LOXL2: variants seen among roughly 807,000 people sequenced by gnomAD.
The protein encoded by LOXL2 is lysyl oxidase like 2.
LOXL2 carries 70 observed loss-of-function variants against 93.0 expected under a neutral mutation model. That is an observed-to-expected ratio of 0.75 (90% CI 0.62 to 0.92). LOXL2 has a LOEUF of 0.92. Ranked by LOEUF, LOXL2 falls within the 40% of genes least tolerant of loss-of-function variation. The pLI is 0.00. For synonymous variants in LOXL2, 438 were observed against 413.2 expected (o/e 1.06, Z -0.73); for missense variants, 973 against 1,054.9 (o/e 0.92, Z 1.08).
intron 1 of LOXL2, among the ~76,000 whole-genome samples, chr8:23,374,204 G>C (rs921115321): frequency 1.7e-4 from 25 of 150,144 alleles, no homozygotes; most frequent in Non-Finnish European, 2.8e-4. Flanking sequence ...GTGGTGTTTG[G>C]TTTTTTGTTC....
intron 4 of LOXL2, among the ~76,000 whole-genome samples, chr8:23,335,597 G>A (rs1402964237): frequency 6.6e-6 from 1 of 152,144 alleles, no homozygotes; most frequent in African/African-American, 2.4e-5. Context: ...AACAAAGGAG[G>A]TCCAGGAAGG....
chr8:23,322,854 G>A (rs1343958172), intron 6 of LOXL2, among the ~76,000 whole-genome samples: 2 of 152,224 alleles, frequency 1.3e-5, no homozygotes, highest in Non-Finnish European at 2.9e-5. Flanking sequence ...TAGGGGCTGA[G>A]GATTCAAAGA....
intron 1 of LOXL2, among the ~76,000 whole-genome samples, chr8:23,395,037 C>T (rs190171957): frequency 3.0e-4 from 45 of 152,192 alleles, no homozygotes; most frequent in African/African-American, 4.8e-4. Context: ...GGGCGGATCA[C>T]GAGGTCAAGA....
chr8:23,390,815 T>G (rs1804833015), intron 1 of LOXL2, among the ~76,000 whole-genome samples: 1 of 152,170 alleles, frequency 6.6e-6, no homozygotes, highest in African/African-American at 2.4e-5. Context: ...CAAGGATGCC[T>G]TATTAGTCTG....
intron 1 of LOXL2, among the ~76,000 whole-genome samples, chr8:23,371,865 A>G (rs1804502069): frequency 6.6e-6 from 1 of 151,272 alleles, no homozygotes; most frequent in Non-Finnish European, 1.5e-5. Flanking sequence ...TTGTCTGGGA[A>G]GTGGTAAAAG....
At chr8:23,398,612 T>G (rs1800123030) in intron 1 of LOXL2, among the ~76,000 whole-genome samples, 1 of 152,154 alleles carries the variant, frequency 6.6e-6, no homozygotes. Context: ...AAAGATTTGT[T>G]AAAACTCTGG....
chr8:23,359,144 G>A (rs1351498975), intron 3 of LOXL2, among the ~76,000 whole-genome samples: 2 of 151,926 alleles, frequency 1.3e-5, no homozygotes, highest in East Asian at 1.9e-4. Flanking sequence ...AAGCCCCCGC[G>A]CCCGACCCAG....
Position 23,317,028 on chromosome 8 carries a change from C to A in LOXL2, c.1557G>T (p.Ala519=). 1 of 1,614,154 alleles carries A rather than the reference C, an allele frequency of 6.2e-7. No individual in the cohort carries two copies. The highest frequency in any genetic ancestry group is 8.5e-7 in the Non-Finnish European group (1 of 1,180,012). Residue 519 remains alanine (A), a synonymous_variant, in exon 9 of 14, where the codon GCG becomes GCT. Transcript: ENST00000389131. ...VKCSGTELSL[A]HCRHDGEDVA... is the part of the protein sequence containing the mutation. ...CGTCCTCCCCGTCGTGGCGGCAGTG[C>A]GCCAGGGACAGCTCCGTTCCCGAGC...
intron 3 of LOXL2, among the ~76,000 whole-genome samples, chr8:23,350,925 C>T (rs1804082286): frequency 6.6e-6 from 1 of 152,148 alleles, no homozygotes; most frequent in African/African-American, 2.4e-5. Flanking sequence ...AACAACCAGC[C>T]CCTGTGACCC....
At chr8:23,353,001 TGGGGTGGGGA>T (rs201477442) in intron 3 of LOXL2, among the ~76,000 whole-genome samples, 3,458 of 12,508 alleles carry the variant, frequency 0.28, 50 homozygotes, top group Middle Eastern at 0.48. Context: ...GGAGGTGGGG[TGGGGTGGGGA>T]GGGGTGGAGT....
chr8:23,328,553 G>T lies in LOXL2; in HGVS notation c.979C>A (p.Arg327=), dbSNP rs773669008. Residue 327 remains arginine, a synonymous_variant, in exon 6 of 14, where the codon CGA becomes AGA. Transcript: ENST00000389131. ...CCGATGTAGGCACCGCCTCTCAGTC[G>T]CACCAGGGGTTGCTGAAGAGACACA... ...KAYKPEQPLV[R]LRGGAYIGEG... is the part of the protein sequence containing the mutation. 2 of 1,613,818 alleles carry T rather than the reference G, an allele frequency of 1.2e-6. No individual in the cohort carries two copies. The highest frequency in any genetic ancestry group is 1.7e-5 in the Admixed American group (1 of 60,026).
chr8:23,303,467 C>T, intron 10 of LOXL2, 70 bp from the exon 11 acceptor site: 2 of 910,740 alleles, frequency 2.2e-6, no homozygotes, highest in Non-Finnish European at 3.6e-6. Context: ...AGAGGCCTGG[C>T]TGGCGATTTG....
At chr8:23,368,752 T>C (rs1353464276) in intron 1 of LOXL2, among the ~76,000 whole-genome samples, 1 of 152,022 alleles carries the variant, frequency 6.6e-6, no homozygotes, top group Non-Finnish European at 1.5e-5. Flanking sequence ...CAAAGGCCGG[T>C]GTCACACCCT....
At chr8:23,310,188 C>G (rs11135724) in intron 9 of LOXL2, among the ~76,000 whole-genome samples, 1 of 152,062 alleles carries the variant, frequency 6.6e-6, no homozygotes, top group East Asian at 1.9e-4. Context: ...AAGCACAGAT[C>G]ATGGTACGTT....
Position 23,383,888 on chromosome 8 carries a change from C to T in LOXL2, c.-83-15454G>A, listed in dbSNP as rs1427559818. Among the ~76,000 whole-genome samples, 2 of 152,004 alleles carry T rather than the reference C, an allele frequency of 1.3e-5. 1 individual carries two copies. ...TGTTAGCCAGGATGGTCTCGATCTG[C>T]TGACCTCGTGATCCACCCGCCTCGG... On this transcript the variant is annotated intron_variant, in intron 1 of 13. Coordinates refer to ENST00000389131, the MANE Select transcript of LOXL2 (RefSeq NM_002318.3).
chr8:23,299,090 C>G (rs898668872), intron 12 of LOXL2, 143 bp from the exon 13 acceptor site: 10 of 604,464 alleles, frequency 1.7e-5, no homozygotes, highest in Admixed American at 2.7e-5. Context: ...TGGGTCTCAA[C>G]AAAGTCCTTG....
chr8:23,313,925 A>G (rs1803352965), intron 9 of LOXL2, among the ~76,000 whole-genome samples: 1 of 124,476 alleles, frequency 8.0e-6, no homozygotes, highest in Non-Finnish European at 1.7e-5. Context: ...TCCAGAATCT[A>G]CAATGAACTC....
Position 23,328,709 on chromosome 8 carries a change from A to ATGTGTGTGTGTGTGTGTGTGTGTGTG in LOXL2, c.967-170_967-145dup, listed in dbSNP as rs60768341. On this transcript the variant is annotated intron_variant, in intron 5 of 13. Transcript: ENST00000389131. ...AGCTGCAACTATGCTTGATGTATGG[A>ATGTGTGTGTGTGTGTGTGTGTGTGTG]TGTGTGTGTGTGTGTGTGTGTGTGT... is the stretch of plus-strand genomic sequence containing the variant. 655 of 460,394 alleles carry ATGTGTGTGTGTGTGTGTGTGTGTGTG rather than the reference A, an allele frequency of 1.4e-3. 21 individuals carry two copies. The highest frequency in any genetic ancestry group is 0.013 in the African/African-American group (546 of 42,254). 28.5% of individuals were successfully genotyped at this position (460,394 alleles called of 1,614,324 possible).
In LOXL2 at chr8:23,348,185, G is replaced by A. The variant is rs562184190; in HGVS notation, c.532-6982C>T. Among the ~76,000 whole-genome samples the A allele has an allele frequency of 6.0e-5, 9 of 149,360 alleles. No individual in the cohort carries two copies. In the South Asian group the frequency reaches 1.3e-3, roughly 21 times the overall value. On this transcript the variant is annotated intron_variant, in intron 3 of 13. Coordinates refer to ENST00000389131, the MANE Select transcript of LOXL2 (RefSeq NM_002318.3). Reference sequence around the variant, plus strand: ...AAAACCAAACACCGCATGTTCTCACGCGTAGGTGGGAATTGAACAATGAGA... The same window carrying A: ...AAAACCAAACACCGCATGTTCTCACACGTAGGTGGGAATTGAACAATGAGA...
Sources: allele counts gnomAD v4.1 joint callset (sites outside exome capture counted in the v4.1 genomes callset), GRCh38; gene constraint gnomAD v4.1.1; transcripts MANE v1.5; gene names NCBI Gene and HGNC (gene_info 2026-07-23, HGNC 2026-07-21).